Variants in RP1 observed in about 807,000 individuals in gnomAD.
RP1 encodes the protein oxygen-regulated protein 1.
A neutral mutation model predicts 14.8 loss-of-function variants in RP1; 16 were observed. The ratio of observed to expected loss-of-function variants is 1.08; its 90% CI spans 0.73 to 1.65. RP1 has a LOEUF of 1.65. RP1 is among the 40% of genes most tolerant of loss of function. RP1 has a pLI of 0.00. For synonymous variants in RP1, 876 were observed against 883.6 expected (o/e 0.99, Z 0.15); for missense variants, 2,631 against 2,535.0 (o/e 1.04, Z -0.81).
At chr8:54,825,094 C>G (rs537484748) in intron 24 of RP1, among the ~76,000 whole-genome samples, 1 of 152,044 alleles carries the variant, frequency 6.6e-6, no homozygotes, top group African/African-American at 2.4e-5. Flanking sequence ...CTCAGCCTCC[C>G]GAGTAGCTGG....
chr8:54,706,633 A>G, exon 15 of RP1: 12 of 1,536,100 alleles, frequency 7.8e-6, no homozygotes, highest in Non-Finnish European at 1.0e-5. Context: ...CTAAGAATCA[A>G]GGATGGCCGA....
intron 7 of RP1, among the ~76,000 whole-genome samples, chr8:54,668,661 C>G (rs911639786): frequency 1.3e-5 from 2 of 152,180 alleles, no homozygotes; most frequent in African/African-American, 4.8e-5. Context: ...CAGCATGGTA[C>G]TGGTACCAAA....
intron 1 of RP1, among the ~76,000 whole-genome samples, chr8:54,592,969 C>A (rs571867946): frequency 6.6e-6 from 1 of 152,224 alleles, no homozygotes; most frequent in Non-Finnish European, 1.5e-5. Flanking sequence ...TCAGCTGGCC[C>A]CCTACAGGCA....
chr8:54,782,272 T>C (rs932123397), intron 23 of RP1, among the ~76,000 whole-genome samples: 2 of 152,194 alleles, frequency 1.3e-5, no homozygotes, highest in Admixed American at 1.3e-4. Context: ...TGGCTTTCGG[T>C]ACTGAGGTAC....
At chr8:54,571,797 C>T (rs1283135200) in intron 1 of RP1, among the ~76,000 whole-genome samples, 3 of 151,802 alleles carry the variant, frequency 2.0e-5, no homozygotes, top group African/African-American at 4.8e-5. Context: ...GTTTGCTGGC[C>T]TTTTTTTTAG....
At chr8:54,812,489 G>T (rs78454197) in intron 24 of RP1, among the ~76,000 whole-genome samples, 1 of 152,038 alleles carries the variant, frequency 6.6e-6, no homozygotes, top group Non-Finnish European at 1.5e-5. Flanking sequence ...TCAGTGTTTT[G>T]GTTCCTATGA....
intron 25 of RP1, among the ~76,000 whole-genome samples, chr8:54,847,029 C>T (rs1341563238): frequency 1.3e-5 from 2 of 152,168 alleles, no homozygotes; most frequent in African/African-American, 2.4e-5. Flanking sequence ...TCCTCTCCTC[C>T]TGGCTGCTTG....
chr8:54,843,807 C>T (rs1554539447), intron 25 of RP1, among the ~76,000 whole-genome samples: 1 of 152,112 alleles, frequency 6.6e-6, no homozygotes, highest in Non-Finnish European at 1.5e-5. Context: ...GGCTCAGGTG[C>T]AGAGGGAAGC....
At chr8:54,747,187 T>C (rs1300147812) in intron 19 of RP1, among the ~76,000 whole-genome samples, 2 of 152,174 alleles carry the variant, frequency 1.3e-5, no homozygotes, top group Non-Finnish European at 2.9e-5. Flanking sequence ...CCCCCCTCAG[T>C]ATCCAGATTT....
At chr8:54,840,338 T>A (rs560621473) in intron 25 of RP1, among the ~76,000 whole-genome samples, 44 of 152,036 alleles carry the variant, frequency 2.9e-4, no homozygotes, top group African/African-American at 1.0e-3. Context: ...CTGCAACATC[T>A]GCCTCCTAGG....
chr8:54,620,387 A>C (rs1249028756), intron 1 of RP1, among the ~76,000 whole-genome samples: 1 of 152,260 alleles, frequency 6.6e-6, no homozygotes, highest in Non-Finnish European at 1.5e-5. Context: ...ACAGATTTAT[A>C]GCCTAGGAGG....
At chr8:54,787,356 C>A (rs780227447) in intron 24 of RP1, among the ~76,000 whole-genome samples, 8 of 152,000 alleles carry the variant, frequency 5.3e-5, no homozygotes, top group Non-Finnish European at 1.2e-4. Flanking sequence ...CTGTTTATTG[C>A]CTGACATAGA....
intron 24 of RP1, among the ~76,000 whole-genome samples, chr8:54,799,810 T>G (rs1451521383): frequency 6.6e-6 from 1 of 152,024 alleles, no homozygotes; most frequent in Admixed American, 6.5e-5. Context: ...TTGTCATACA[T>G]TTCACCTTTA....
chr8:54,651,090 G>A (rs1806647717), intron 4 of RP1, among the ~76,000 whole-genome samples: 1 of 151,798 alleles, frequency 6.6e-6, no homozygotes, highest in East Asian at 1.9e-4. Flanking sequence ...TTTTATTTAC[G>A]TGGTATATTA....
At chr8:54,598,013 C>G (rs148827665) in intron 1 of RP1, among the ~76,000 whole-genome samples, 1 of 152,146 alleles carries the variant, frequency 6.6e-6, no homozygotes, top group Non-Finnish European at 1.5e-5. Flanking sequence ...ATACATTTTT[C>G]CCTCCCCGCA....
At position 54,621,115 on chromosome 8, in the gene RP1, G is replaced by C; in HGVS notation, c.149G>C (p.Gly50Ala). The change falls in exon 2 of 4, where the codon GGG (glycine) becomes GCG (alanine). Residue 50 changes from glycine to alanine, a missense_variant. Physicochemically the swap from Gly to Ala is moderately conservative, Grantham distance 60. Coordinates refer to ENST00000220676, the MANE Select transcript of RP1 (RefSeq NM_006269.2). ...FYKSGDPQFG[G>A]VRVVVNPRSF... ...AAGAGCGGAGACCCCCAATTCGGCG[G>C]GGTCAGGGTGGTGGTCAACCCTCGC... The C allele has an allele frequency of 2.5e-6, 4 of 1,614,148 alleles. No individual in the cohort carries two copies. Among genetic ancestry groups the C allele is most frequent in the Non-Finnish European group, 3.4e-6 (4 of 1,180,014 alleles).
At chr8:54,674,626 A>G (rs530681765) in intron 8 of RP1, among the ~76,000 whole-genome samples, 84 of 152,234 alleles carry the variant, frequency 5.5e-4, no homozygotes, top group African/African-American at 2.0e-3. Context: ...TTACACAAAT[A>G]CAGAGTGGAC....
intron 25 of RP1, among the ~76,000 whole-genome samples, chr8:54,841,592 T>C (rs77704450): frequency 0.022 from 3,345 of 152,356 alleles, 56 homozygotes; most frequent in Non-Finnish European, 0.036. Flanking sequence ...GGTGGGATTA[T>C]AGTGATCTCC....
At chr8:54,769,729 C>A (rs751864960) in intron 22 of RP1, 45 of 1,490,014 alleles carry the variant, frequency 3.0e-5, no homozygotes, top group Non-Finnish European at 3.9e-5. Flanking sequence ...CTCTCTCTCT[C>A]TTTTTCCTCA....
Sources: allele counts gnomAD v4.1 joint callset (sites outside exome capture counted in the v4.1 genomes callset), GRCh38; gene constraint gnomAD v4.1.1; transcripts MANE v1.5; gene names NCBI Gene and HGNC (gene_info 2026-07-23, HGNC 2026-07-21).